Variants in AGMO observed in about 807,000 individuals in gnomAD.
AGMO encodes the protein glyceryl-ether monooxygenase.
In AGMO, 75 loss-of-function variants were observed where a neutral mutation model predicts 60.2. The ratio of observed to expected loss-of-function variants is 1.25; its 90% CI spans 1.03 to 1.51. AGMO has a LOEUF of 1.51. Ranked by LOEUF, AGMO falls within the 40% of genes most tolerant of loss-of-function variation. The probability of loss-of-function intolerance (pLI) is 0.00; values close to 1 mark genes in which losing one functional copy is unlikely to be tolerated. For synonymous variants in AGMO, 261 were observed against 177.1 expected, an observed-to-expected ratio of 1.47 and a Z score of -3.76; for missense variants, 763 against 525.5, an observed-to-expected ratio of 1.45 and a Z score of -4.42.
At chr7:15,560,477 C>G (rs1785275462) in intron 1 of AGMO, among the ~76,000 whole-genome samples, 1 of 152,004 alleles carries the variant, frequency 6.6e-6, no homozygotes, top group African/African-American at 2.4e-5. Flanking sequence ...TGCTCAAATT[C>G]TATCATCCAA....
intron 10 of AGMO, among the ~76,000 whole-genome samples, chr7:15,379,548 A>G (rs1366798295): frequency 6.6e-6 from 1 of 152,078 alleles, no homozygotes; most frequent in African/African-American, 2.4e-5. Context: ...CTAAGACTGA[A>G]CCAGGAAGAT....
chr7:15,465,675 G>T (rs531847911), intron 3 of AGMO, among the ~76,000 whole-genome samples: 60 of 150,392 alleles, frequency 4.0e-4, no homozygotes, highest in Non-Finnish European at 4.7e-4. Context: ...AAAACTCCTG[G>T]GCTCAAGCAA....
chr7:15,516,481 C>G (rs1783809285), intron 3 of AGMO, among the ~76,000 whole-genome samples: 1 of 152,018 alleles, frequency 6.6e-6, no homozygotes, highest in Admixed American at 6.6e-5. Flanking sequence ...TTTTTTAGTG[C>G]ACTGTTAAAT....
chr7:15,161,161 T>G, the AGMO span, among the ~76,000 whole-genome samples: 2 of 152,176 alleles, frequency 1.3e-5, no homozygotes, highest in African/African-American at 4.8e-5. Context: ...CACTGGAGAT[T>G]AAGATTCCAA....
chr7:15,161,877 T>C, the AGMO span, among the ~76,000 whole-genome samples: 2 of 152,028 alleles, frequency 1.3e-5, no homozygotes, highest in Non-Finnish European at 2.9e-5. Flanking sequence ...TTCATGAAGA[T>C]AATTGTTTGC....
chr7:15,391,810 A>G (rs755629861), intron 6 of AGMO, among the ~76,000 whole-genome samples: 11 of 152,152 alleles, frequency 7.2e-5, no homozygotes, highest in Non-Finnish European at 1.6e-4. Context: ...CAATTTCTGG[A>G]GACATGAGTA....
At chr7:15,290,384 G>A (rs545805688) in intron 12 of AGMO, among the ~76,000 whole-genome samples, 3 of 152,214 alleles carry the variant, frequency 2.0e-5, no homozygotes, top group African/African-American at 7.2e-5. Context: ...GGGTGTGGGA[G>A]CATAGAAAAT....
At chr7:15,294,177 C>G (rs892292490) in intron 12 of AGMO, among the ~76,000 whole-genome samples, 1 of 151,946 alleles carries the variant, frequency 6.6e-6, no homozygotes. Context: ...AAAACAGAGT[C>G]GGCATTTAAT....
chr7:15,462,598 T>C (rs1782171666), intron 3 of AGMO, among the ~76,000 whole-genome samples: 1 of 152,182 alleles, frequency 6.6e-6, no homozygotes, highest in South Asian at 2.1e-4. Context: ...ATGTACGAGC[T>C]TTAGATCTAT....
At chr7:15,214,407 T>C (rs903248442) in intron 12 of AGMO, among the ~76,000 whole-genome samples, 1 of 152,166 alleles carries the variant, frequency 6.6e-6, no homozygotes, top group East Asian at 1.9e-4. Context: ...GCAAAAGTTA[T>C]GCAGAGTTAA....
rs78873410 is a variant in AGMO at position 15,336,961 on chromosome 7, T to C, written c.1263+28553A>G. On this transcript the variant is annotated intron_variant, in intron 12 of 12. Transcript: ENST00000342526. ...TCATGAACTTCAACATCTGAAAACA[T>C]GTGTGAGATTGTCAAACATTCCAGT... 0.015 allele frequency among the ~76,000 whole-genome samples: 2,238 copies of C among 152,244 alleles called. 172 individuals are homozygous for C. In the East Asian group the frequency reaches 0.25, roughly 17 times the overall value.
At chr7:15,169,874 C>T in the AGMO span, among the ~76,000 whole-genome samples, 16 of 152,292 alleles carry the variant, frequency 1.1e-4, no homozygotes, top group African/African-American at 3.6e-4. Flanking sequence ...ATCTGAGGAA[C>T]GTGACTCTAT....
intron 12 of AGMO, among the ~76,000 whole-genome samples, chr7:15,301,444 AAAAAAAAG>A (rs937944324): frequency 2.6e-5 from 4 of 152,104 alleles, no homozygotes; most frequent in Middle Eastern, 3.2e-3. Flanking sequence ...GTCTCAGGAA[AAAAAAAAG>A]AAAGCAAATG....
intron 3 of AGMO, among the ~76,000 whole-genome samples, chr7:15,502,525 T>C (rs1783413221): frequency 6.6e-6 from 1 of 152,008 alleles, no homozygotes; most frequent in Non-Finnish European, 1.5e-5. Context: ...AGGGTCTGGC[T>C]AGCATTTGTA....
rs536855896 is a variant in AGMO, at chr7:15,392,092, T to TG, written c.677-1188dup. On this transcript the variant is annotated intron_variant, in intron 6 of 12. Transcript: ENST00000342526. The stretch of plus-strand genomic sequence containing the variant: ...TTTTAATTTAATTTTTTTTTTGAGA[T>TG]GGAGTCTCACTCTGTTGTCCAGGCT... Among the ~76,000 whole-genome samples the TG allele has an allele frequency of 2.8e-3, 433 of 152,022 alleles. 1 individual carries two copies. Among genetic ancestry groups the TG allele is most frequent in the Middle Eastern group, 6.8e-3 (2 of 294 alleles).
At chr7:15,330,067 TTC>T (rs1781456330) in intron 12 of AGMO, among the ~76,000 whole-genome samples, 1 of 54,912 alleles carries the variant, frequency 1.8e-5, no homozygotes, top group Non-Finnish European at 5.5e-5. Context: ...ATTTTCTTTT[TTC>T]TTTCTATCTC....
the AGMO span, among the ~76,000 whole-genome samples, chr7:15,136,287 C>G: frequency 1.3e-5 from 2 of 152,024 alleles, no homozygotes; most frequent in African/African-American, 4.8e-5. Context: ...GCCACCGCGC[C>G]TGGCCTAGTA....
At chr7:15,225,456 T>A (rs181185759) in intron 12 of AGMO, among the ~76,000 whole-genome samples, 1 of 152,142 alleles carries the variant, frequency 6.6e-6, no homozygotes, top group East Asian at 1.9e-4. Context: ...AATTATAGTA[T>A]AATTTTAATT....
intron 12 of AGMO, among the ~76,000 whole-genome samples, chr7:15,213,371 A>G (rs1477708925): frequency 3.3e-5 from 5 of 151,906 alleles, no homozygotes. Context: ...CGAGGGTAGA[A>G]ATAGAAAATC....
Sources: gnomAD v4.1 joint callset for allele counts (sites outside exome capture counted in the v4.1 genomes callset) on GRCh38, gnomAD v4.1.1 for gene constraint, MANE v1.5 for transcripts, NCBI Gene and HGNC (gene_info 2026-07-23, HGNC 2026-07-21) for gene names.